The following PCDHA4 variants were observed in gnomAD, a reference collection of about 807,000 sequenced individuals.
PCDHA4 encodes the protein protocadherin alpha 4, also known as protocadherin alpha-4.
PCDHA4 carries 49 observed loss-of-function variants against 61.4 expected under a neutral mutation model. The ratio of observed to expected loss-of-function variants is 0.80; its 90% confidence interval spans 0.63 to 1.01. The LOEUF is 1.01. Among genes scored for constraint, PCDHA4 ranks in the 50% least tolerant of loss-of-function variants. The pLI is 0.00. For synonymous variants in PCDHA4, 590 were observed against 550.3 expected, an observed-to-expected ratio of 1.07 and a Z score of -1.01; for missense variants, 1,254 against 1,235.8, an observed-to-expected ratio of 1.01 and a Z score of -0.22.
At position 140,884,430 on chromosome 5, in the gene PCDHA4, T is replaced by G. The variant is rs1554181548; in HGVS notation, c.2385+74858T>G. The G allele has an allele frequency of 2.5e-6, 4 of 1,613,804 alleles. No homozygotes were observed. The African/African-American group carries it at 4.0e-5, about 16-fold the overall frequency. ...CTCACGTTGCTGCTGTATACTGCGC[T>G]GCGGTGCTCGGCACCGCCCACCGAG... On this transcript the variant is annotated intron_variant, in intron 1 of 3. Transcript: ENST00000530339.
intron 1 of PCDHA4, chr5:140,811,413 G>T (rs1764863372): frequency 6.6e-6 from 1 of 152,162 alleles, no homozygotes; most frequent in Non-Finnish European, 1.5e-5. Flanking sequence ...TATCATTGAT[G>T]GACATTTGGG....
chr5:140,929,645 C>G (rs1271694172), intron 1 of PCDHA4: 1 of 366,374 alleles, frequency 2.7e-6, no homozygotes, highest in Non-Finnish European at 5.0e-6. Context: ...ATGTGTAAGG[C>G]ACTCTAATAT....
intron 1 of PCDHA4, chr5:140,815,403 C>G (rs1327128573): frequency 6.6e-6 from 1 of 151,940 alleles, no homozygotes; most frequent in African/African-American, 2.4e-5. Context: ...TTTTAAAACT[C>G]TTATAAAAAT....
At chr5:140,910,408 G>A (rs1165160124) in intron 1 of PCDHA4, among the ~76,000 whole-genome samples, 2 of 152,106 alleles carry the variant, frequency 1.3e-5, no homozygotes, top group African/African-American at 2.4e-5. Flanking sequence ...CTGCCACCTC[G>A]AGATCCAATT....
At chr5:140,870,097 C>T in intron 1 of PCDHA4, 1 of 1,613,888 alleles carries the variant, frequency 6.2e-7, no homozygotes, top group African/African-American at 1.3e-5. Context: ...AATGGCAGGT[C>T]ACTGTACAGT....
chr5:140,869,963 A>G lies in PCDHA4; in HGVS notation c.2385+60391A>G, dbSNP rs782588471. 11 of 1,613,128 alleles carry G rather than the reference A, an allele frequency of 6.8e-6. No homozygotes were observed. Among genetic ancestry groups the G allele is most frequent in the East Asian group, 2.2e-5 (1 of 44,874 alleles). On this transcript the variant is annotated intron_variant, in intron 1 of 3. Coordinates refer to ENST00000530339, the MANE Select transcript of PCDHA4 (RefSeq NM_018907.4). ...TACTCCTTAATGTCAATTAAGCCCA[A>G]TGGAAGACACTTATTTACACTAGAT...
intron 1 of PCDHA4, chr5:140,927,418 C>A: frequency 6.2e-7 from 1 of 1,614,106 alleles, no homozygotes; most frequent in Non-Finnish European, 8.5e-7. Flanking sequence ...CATGGGATCG[C>A]GGGTTGACGG....
At chr5:140,872,134 A>C (rs938546166) in intron 1 of PCDHA4, among the ~76,000 whole-genome samples, 1 of 152,112 alleles carries the variant, frequency 6.6e-6, no homozygotes, top group Non-Finnish European at 1.5e-5. Context: ...CAAAGCTAGA[A>C]TACTCCATTA....
At chr5:140,840,223 T>A (rs1776612782) in intron 1 of PCDHA4, among the ~76,000 whole-genome samples, 1 of 151,924 alleles carries the variant, frequency 6.6e-6, no homozygotes, top group African/African-American at 2.4e-5. Flanking sequence ...TACATATGAG[T>A]AAATGTGGAG....
At chr5:140,933,351 T>C (rs2089082227) in intron 1 of PCDHA4, among the ~76,000 whole-genome samples, 1 of 152,024 alleles carries the variant, frequency 6.6e-6, no homozygotes, top group South Asian at 2.1e-4. Flanking sequence ...AAACACTTTA[T>C]TTCTAACCCA....
At chr5:140,823,460 C>A in intron 1 of PCDHA4, 1 of 1,613,408 alleles carries the variant, frequency 6.2e-7, no homozygotes, top group Non-Finnish European at 8.5e-7. Context: ...GACAACGCGC[C>A]GGCGCTGCTG....
At chr5:141,004,580 A>T (rs782539696) in intron 3 of PCDHA4, among the ~76,000 whole-genome samples, 1 of 152,222 alleles carries the variant, frequency 6.6e-6, no homozygotes, top group Non-Finnish European at 1.5e-5. Context: ...TGTGTTCTGC[A>T]TCTCCAGATG....
rs782133089 is a variant in PCDHA4, at chr5:140,924,894, CAAA to C, written c.2386-54046_2386-54044del. Reference sequence around the variant, plus strand: ...TGGGTGACAGAGCAAGAACCTGTCTCAAAAAAAAAAATAAAATAAAATAAAATA... The same window carrying C: ...TGGGTGACAGAGCAAGAACCTGTCTCAAAAAAAATAAAATAAAATAAAATA... On this transcript the variant is annotated intron_variant, in intron 1 of 3. Transcript: ENST00000530339. Among the ~76,000 whole-genome samples the C allele has an allele frequency of 6.8e-3, 488 of 71,480 alleles. 13 individuals carry two copies. Among genetic ancestry groups the C allele is most frequent in the East Asian group, 0.051 (79 of 1,534 alleles). The allele number at this position is 71,480 out of a possible 152,430, so 46.9% of individuals were successfully genotyped here. A position where few individuals can be genotyped will look rare whatever the true frequency, so the allele number is the denominator to read the frequency against.
chr5:140,950,237 A>C (rs1192417956), intron 1 of PCDHA4, among the ~76,000 whole-genome samples: 1 of 151,954 alleles, frequency 6.6e-6, no homozygotes, highest in African/African-American at 2.4e-5. Context: ...AGTGCCATTA[A>C]TTTGTTCCTA....
chr5:140,865,652 A>G (rs1413896571), intron 1 of PCDHA4: 1 of 152,206 alleles, frequency 6.6e-6, no homozygotes, highest in Non-Finnish European at 1.5e-5. Context: ...ACATTATTTC[A>G]TTTAATACTT....
chr5:140,869,919 A>G (rs1554163602), intron 1 of PCDHA4: 3 of 1,611,440 alleles, frequency 1.9e-6, no homozygotes. Flanking sequence ...GAGACGAAGG[A>G]GTCAATGGAG....
intron 1 of PCDHA4, chr5:140,825,789 T>C (rs2150076169): frequency 6.6e-6 from 1 of 152,576 alleles, no homozygotes; most frequent in East Asian, 1.9e-4. Flanking sequence ...TATATTTTGG[T>C]TGGGAAATTT....
Position 140,907,311 on chromosome 5 carries a change from T to C in PCDHA4, c.2386-71638T>C, listed in dbSNP as rs534638330. Among the ~76,000 whole-genome samples the C allele has an allele frequency of 5.9e-5, 9 of 152,292 alleles. No individual in the cohort carries two copies. The East Asian group carries it at 1.7e-3, about 29-fold the overall frequency. On this transcript the variant is annotated intron_variant, in intron 1 of 3. Coordinates refer to ENST00000530339, the MANE Select transcript of PCDHA4 (RefSeq NM_018907.4). Reference sequence around the variant, plus strand: ...AGCTGCTTCAGGATGATGGGGAACATGTAAAGACCAGTGAATTCCATATGC... The same window carrying C: ...AGCTGCTTCAGGATGATGGGGAACACGTAAAGACCAGTGAATTCCATATGC...
chr5:140,946,611 AATATATATAT>A (rs1554217734), intron 1 of PCDHA4, among the ~76,000 whole-genome samples: 3 of 86,806 alleles, frequency 3.5e-5, no homozygotes, highest in African/African-American at 1.3e-4. Flanking sequence ...GAAAATGTGA[AATATATATAT>A]ATATATATAT....
Sources: allele counts gnomAD v4.1 joint callset (sites outside exome capture counted in the v4.1 genomes callset), GRCh38; gene constraint gnomAD v4.1.1; transcripts MANE v1.5; gene names NCBI Gene and HGNC (gene_info 2026-07-23, HGNC 2026-07-21).